Variants in ACOXL observed in about 807,000 individuals in gnomAD.
The protein encoded by ACOXL is acyl-CoA oxidase like, also known as acyl-coenzyme A oxidase-like protein.
A neutral mutation model predicts 71.9 loss-of-function variants in ACOXL; 70 were observed. The observed-to-expected ratio is 0.97, with a 90% CI of 0.80 to 1.19. The LOEUF (loss-of-function observed/expected upper bound fraction) is 1.19, where lower values mean the gene tolerates loss of function less well. ACOXL is among the 50% of genes most tolerant of loss of function. The pLI is 0.00. For missense variants in ACOXL, 703 were observed against 736.3 expected (o/e 0.95, Z 0.52); for synonymous variants, 253 against 281.6 (o/e 0.90, Z 1.02).
Position 110,977,674 on chromosome 2 carries a change from C to A in ACOXL, c.1060-9434C>A, listed in dbSNP as rs769707083. 2.1e-4 allele frequency among the ~76,000 whole-genome samples: 32 copies of A among 152,176 alleles called. 1 individual carries two copies. The highest frequency in any genetic ancestry group is 1.9e-3 in the Admixed American group (29 of 15,282). Reference sequence around the variant, plus strand: ...CAGCATCTAAATATTTACATTGTTCCTCATCAGGACTCCACGTGTGAGATT... The same window carrying A: ...CAGCATCTAAATATTTACATTGTTCATCATCAGGACTCCACGTGTGAGATT... On this transcript the variant is annotated intron_variant, in intron 12 of 17. Coordinates refer to ENST00000439055, the MANE Select transcript of ACOXL (RefSeq NM_001142807.4).
intron 15 of ACOXL, among the ~76,000 whole-genome samples, chr2:111,039,668 T>C (rs2065683637): frequency 6.6e-6 from 1 of 152,226 alleles, no homozygotes; most frequent in African/African-American, 2.4e-5. Flanking sequence ...CTTGTGATTC[T>C]TTTTTGCCCC....
At chr2:111,037,311 A>G (rs998790908) in intron 15 of ACOXL, among the ~76,000 whole-genome samples, 1 of 152,236 alleles carries the variant, frequency 6.6e-6, no homozygotes, top group African/African-American at 2.4e-5. Context: ...GTCTTTAGAG[A>G]CTTCACTGAC....
intron 8 of ACOXL, among the ~76,000 whole-genome samples, chr2:110,802,648 C>A (rs1686144096): frequency 6.6e-6 from 1 of 151,704 alleles, no homozygotes; most frequent in African/African-American, 2.4e-5. Flanking sequence ...TGTACTTGTA[C>A]CCCTGAACTT....
At chr2:110,975,498 G>A (rs1039188373) in intron 12 of ACOXL, among the ~76,000 whole-genome samples, 7 of 151,804 alleles carry the variant, frequency 4.6e-5, no homozygotes, top group African/African-American at 1.7e-4. Context: ...GAGCTTCAAT[G>A]TTCATTTTCT....
intron 10 of ACOXL, among the ~76,000 whole-genome samples, chr2:110,853,987 C>A (rs1309340641): frequency 6.6e-6 from 1 of 151,266 alleles, no homozygotes; most frequent in Non-Finnish European, 1.5e-5. Context: ...TGAGCTTCTT[C>A]CATGGACTAA....
rs147113684 is a variant in ACOXL at position 110,765,361 on chromosome 2, A to G, written c.-22-3007A>G. Among the ~76,000 whole-genome samples, 127 of 152,258 alleles carry G rather than the reference A, an allele frequency of 8.3e-4. 2 individuals are homozygous for G. Among genetic ancestry groups the G allele is most frequent in the African/African-American group, 2.5e-3 (104 of 41,554 alleles). On this transcript the variant is annotated intron_variant, in intron 1 of 17. Coordinates refer to ENST00000439055, the MANE Select transcript of ACOXL (RefSeq NM_001142807.4). ...GAAGTTTTTAGCTATTATATCTTAT[A>G]CTACTTTTTTGGTCCAGTCTCTCTT...
At chr2:111,113,891 T>A (rs554841455) in intron 17 of ACOXL, among the ~76,000 whole-genome samples, 1 of 152,210 alleles carries the variant, frequency 6.6e-6, no homozygotes, top group South Asian at 2.1e-4. Flanking sequence ...TGAAGTCAAC[T>A]GAAAAATAAT....
chr2:110,891,372 CT>C (rs1052470854), intron 10 of ACOXL, among the ~76,000 whole-genome samples: 8 of 151,986 alleles, frequency 5.3e-5, no homozygotes, highest in African/African-American at 9.6e-5. Flanking sequence ...ATTTATAGAT[CT>C]TTTTTTCCAT....
chr2:110,864,652 T>A (rs1694342701), intron 10 of ACOXL, among the ~76,000 whole-genome samples: 2 of 152,230 alleles, frequency 1.3e-5, no homozygotes, highest in African/African-American at 2.4e-5. Flanking sequence ...GCCATGACGG[T>A]CTCTCCCAAG....
chr2:111,066,485 A>G (rs1390762820), intron 16 of ACOXL, among the ~76,000 whole-genome samples: 2 of 152,158 alleles, frequency 1.3e-5, no homozygotes, highest in Non-Finnish European at 2.9e-5. Flanking sequence ...CAATATCTAT[A>G]TGCTGGTTGT....
At chr2:110,841,677 CT>C (rs1691198124) in intron 10 of ACOXL, among the ~76,000 whole-genome samples, 1 of 152,182 alleles carries the variant, frequency 6.6e-6, no homozygotes, top group South Asian at 2.1e-4. Context: ...GAAGCACTAT[CT>C]GGGTAATGTT....
In ACOXL at chr2:110,991,691, T is replaced by C. The variant is rs1043692063; in HGVS notation, c.1170-4202T>C. ...GAAATCTGTTATCTGTCTTTTTTTT[T>C]CCTTTTTTTATTGCTGCTCAGGACC... On this transcript the variant is annotated intron_variant, in intron 13 of 17. Coordinates refer to ENST00000439055, the MANE Select transcript of ACOXL (RefSeq NM_001142807.4). Among the ~76,000 whole-genome samples the C allele has an allele frequency of 1.1e-4, 17 of 152,246 alleles. No homozygotes were observed. The East Asian group carries it at 2.5e-3, about 22-fold the overall frequency.
At chr2:110,765,037 A>G (rs1022517955) in intron 1 of ACOXL, among the ~76,000 whole-genome samples, 3 of 152,154 alleles carry the variant, frequency 2.0e-5, no homozygotes, top group Admixed American at 1.3e-4. Flanking sequence ...TTCTTGAAGG[A>G]TATCTTCACT....
intron 1 of ACOXL, among the ~76,000 whole-genome samples, chr2:110,736,247 C>T (rs1676828219): frequency 6.6e-6 from 1 of 152,072 alleles, no homozygotes; most frequent in African/African-American, 2.4e-5. Context: ...TAAAATTGAC[C>T]ATTTAACTGC....
intron 15 of ACOXL, chr2:111,036,658 G>C (rs2065531421): frequency 6.6e-6 from 1 of 152,328 alleles, no homozygotes; most frequent in Admixed American, 6.5e-5. Context: ...GAGAGTGTGT[G>C]ATGGCTGGGA....
chr2:110,750,213 G>A lies in ACOXL; in HGVS notation c.-23+17439G>A, dbSNP rs191334434. ...GTTAAGCTCCATTTTCTGGAGGAGA[G>A]AGTATCTACACAAATTATTTCTTAT... is the stretch of plus-strand genomic sequence containing the variant. On this transcript the variant is annotated intron_variant, in intron 1 of 17. Transcript: ENST00000439055. Among the ~76,000 whole-genome samples, 182 of 151,818 alleles carry A rather than the reference G, an allele frequency of 1.2e-3. 1 individual carries two copies. Among genetic ancestry groups the A allele is most frequent in the African/African-American group, 4.0e-3 (165 of 41,366 alleles).
intron 11 of ACOXL, among the ~76,000 whole-genome samples, chr2:110,923,985 T>G (rs1223843599): frequency 6.6e-6 from 1 of 151,728 alleles, no homozygotes; most frequent in African/African-American, 2.4e-5. Flanking sequence ...CAGATATACC[T>G]CAGAGACATT....
intron 15 of ACOXL, among the ~76,000 whole-genome samples, chr2:111,047,511 G>C (rs1174772784): frequency 6.6e-6 from 1 of 152,226 alleles, no homozygotes; most frequent in East Asian, 1.9e-4. Context: ...AGTAGTCAGA[G>C]ATCAATATGT....
chr2:110,987,025 A>C (rs2062962640), intron 12 of ACOXL, 83 bp from the exon 13 acceptor site: 10 of 1,133,712 alleles, frequency 8.8e-6, no homozygotes, highest in Non-Finnish European at 1.3e-5. Context: ...TAAGTGACAA[A>C]TAGATCTTAT....
Sources: allele counts gnomAD v4.1 joint callset (sites outside exome capture counted in the v4.1 genomes callset), GRCh38; gene constraint gnomAD v4.1.1; transcripts MANE v1.5; gene names NCBI Gene and HGNC (gene_info 2026-07-23, HGNC 2026-07-21).